Variants in LAMA2 observed in about 807,000 individuals in gnomAD.
LAMA2 encodes the protein laminin subunit alpha-2.
A neutral mutation model predicts 364.8 loss-of-function variants in LAMA2; 269 were observed. The observed-to-expected ratio is 0.74, with a 90% confidence interval of 0.67 to 0.82. The LOEUF (loss-of-function observed/expected upper bound fraction) is 0.82, where lower values mean the gene tolerates loss of function less well. Ranked by LOEUF, LAMA2 falls within the 40% of genes least tolerant of loss-of-function variation. The probability of loss-of-function intolerance (pLI) is 0.00; values close to 1 mark genes in which losing one functional copy is unlikely to be tolerated. For missense variants in LAMA2, 3,807 were observed against 3,873.2 expected (o/e 0.98, Z 0.45); for synonymous variants, 1,379 against 1,370.6 (o/e 1.01, Z -0.14).
intron 1 of LAMA2, among the ~76,000 whole-genome samples, chr6:128,904,456 T>A (rs1021803571): frequency 6.8e-6 from 1 of 147,532 alleles, no homozygotes; most frequent in African/African-American, 2.5e-5. Context: ...TCCTTTCTTT[T>A]TTTTTTTTTT....
intron 63 of LAMA2, among the ~76,000 whole-genome samples, chr6:129,514,131 G>A (rs147332402): frequency 2.6e-5 from 4 of 152,242 alleles, no homozygotes; most frequent in African/African-American, 7.2e-5. Context: ...CCAGCTTTAC[G>A]TATCTTGCCT....
At chr6:129,148,847 A>G in intron 6 of LAMA2, 132 bp from the exon 7 acceptor site, 1 of 773,512 alleles carries the variant, frequency 1.3e-6, no homozygotes, top group Admixed American at 1.8e-5. Flanking sequence ...CTTTCTTCCC[A>G]GGCTGGCTAG....
Position 129,516,551 on chromosome 6 carries a change from A to G in LAMA2, c.*204A>G. Reference sequence around the variant, plus strand: ...CAAGTCTATAAATAATATTAAACTGATTATTTCATTCTAAATAATTGCCTG... The same window carrying G: ...CAAGTCTATAAATAATATTAAACTGGTTATTTCATTCTAAATAATTGCCTG... On this transcript the variant is annotated 3_prime_UTR_variant, in exon 65 of 65. Coordinates refer to ENST00000421865, the MANE Select transcript of LAMA2 (RefSeq NM_000426.4). 1.7e-6 allele frequency: 1 copy of G among 581,906 alleles called. No homozygotes were observed. The highest frequency in any genetic ancestry group is 2.0e-5 in the South Asian group (1 of 48,800). The allele number at this position is 581,906 out of a possible 1,614,324, so 36.0% of individuals were successfully genotyped here.
At chr6:129,288,833 C>T (rs1462517541) in intron 19 of LAMA2, among the ~76,000 whole-genome samples, 2 of 152,108 alleles carry the variant, frequency 1.3e-5, no homozygotes, top group Non-Finnish European at 2.9e-5. Context: ...AGCATTTGGC[C>T]ATCATCAGCT....
At chr6:129,475,986 A>G (rs1784049743) in intron 53 of LAMA2, among the ~76,000 whole-genome samples, 1 of 152,218 alleles carries the variant, frequency 6.6e-6, no homozygotes, top group Non-Finnish European at 1.5e-5. Context: ...CTCTGGAAAT[A>G]CTATATTTAA....
At chr6:129,214,008 C>G (rs1395605368) in intron 12 of LAMA2, among the ~76,000 whole-genome samples, 1 of 152,052 alleles carries the variant, frequency 6.6e-6, no homozygotes, top group Admixed American at 6.6e-5. Context: ...ATTTTGAGGT[C>G]TATGATCCAT....
At chr6:129,374,951 CT>C (rs1434005794) in intron 34 of LAMA2, among the ~76,000 whole-genome samples, 2 of 151,626 alleles carry the variant, frequency 1.3e-5, no homozygotes, top group Middle Eastern at 3.2e-3. Context: ...TTGATACAGT[CT>C]TTAGATTTAA....
Position 129,059,790 on chromosome 6 carries a change from A to C in LAMA2, c.290A>C (p.His97Pro). The change falls in exon 3 of 65, where the codon CAC becomes CCC. Residue 97 changes from histidine to proline, a missense_variant. Physicochemically the swap from His to Pro is moderately conservative, Grantham distance 77 (BLOSUM62 -2). This residue lies in a region of LAMA2 where 394 missense variants were observed against 403.5 expected (regional missense o/e 0.98). Coordinates refer to ENST00000421865, the MANE Select transcript of LAMA2 (RefSeq NM_000426.4). ...NQNSSNPNQR[H>P]PITNAIDGKN... Reference sequence around the variant, plus strand: ...GATGCTGCTAACTCAATAGAGAGACACCCGATTACAAATGCTATTGATGGA... The same window carrying C: ...GATGCTGCTAACTCAATAGAGAGACCCCCGATTACAAATGCTATTGATGGA... The C allele has an allele frequency of 6.3e-7, 1 of 1,591,404 alleles. No individual in the cohort carries two copies. The highest frequency in any genetic ancestry group is 8.6e-7 in the Non-Finnish European group (1 of 1,159,402).
intron 1 of LAMA2, chr6:128,905,381 T>C (rs1026614012): frequency 1.3e-5 from 2 of 152,112 alleles, no homozygotes; most frequent in African/African-American, 2.4e-5. Context: ...TTTAACTATT[T>C]TTTTCTGTTC....
chr6:129,430,071 C>A (rs772454284), intron 41 of LAMA2, among the ~76,000 whole-genome samples: 11 of 152,222 alleles, frequency 7.2e-5, no homozygotes, highest in African/African-American at 2.6e-4. Context: ...AAGGCTATGA[C>A]GGAGATGGGA....
intron 1 of LAMA2, among the ~76,000 whole-genome samples, chr6:128,959,472 C>T (rs998567602): frequency 1.3e-5 from 2 of 152,094 alleles, no homozygotes; most frequent in East Asian, 1.9e-4. Context: ...CTTCATGGCT[C>T]TCAATTCTTC....
chr6:128,941,844 A>C (rs1440261652), intron 1 of LAMA2, among the ~76,000 whole-genome samples: 2 of 152,202 alleles, frequency 1.3e-5, no homozygotes, highest in Admixed American at 1.3e-4. Context: ...CCGTGCAGTT[A>C]GACGTCATCA....
intron 32 of LAMA2, among the ~76,000 whole-genome samples, chr6:129,353,922 C>CTGTCTCTCTTTT (rs1441882182): frequency 6.6e-6 from 1 of 152,168 alleles, no homozygotes; most frequent in Non-Finnish European, 1.5e-5. Flanking sequence ...TGCTCTCTTG[C>CTGTCTCTCTTTT]TGTCTCTCTT....
Position 129,020,067 on chromosome 6 carries a change from C to G in LAMA2, c.113-29851C>G, listed in dbSNP as rs146687611. 5.6e-3 allele frequency among the ~76,000 whole-genome samples: 673 copies of G among 119,892 alleles called. 9 individuals carry two copies. The highest frequency in any genetic ancestry group is 0.022 in the African/African-American group (651 of 29,688). The allele number at this position is 119,892 out of a possible 152,430, so 78.7% of individuals were successfully genotyped here. On this transcript the variant is annotated intron_variant, in intron 1 of 64. Transcript: ENST00000421865. The stretch of plus-strand genomic sequence containing the variant: ...CACCACTGCACTCCAGCCTGGGCGA[C>G]AAGAGCAAGACTCCATCTCAAAAAG...
intron 63 of LAMA2, among the ~76,000 whole-genome samples, chr6:129,514,066 A>G (rs1234325936): frequency 6.6e-6 from 1 of 152,204 alleles, no homozygotes; most frequent in African/African-American, 2.4e-5. Context: ...CCCTGTGTAC[A>G]CTAGGTCCTT....
chr6:129,132,971 G>C (rs1777578544), intron 4 of LAMA2, among the ~76,000 whole-genome samples: 1 of 152,156 alleles, frequency 6.6e-6, no homozygotes, highest in South Asian at 2.1e-4. Flanking sequence ...CAACAAATTT[G>C]ATCTTAAACT....
chr6:129,392,858 T>C (rs1010921151), intron 36 of LAMA2, among the ~76,000 whole-genome samples, 187 bp from the exon 37 acceptor site: 2 of 152,220 alleles, frequency 1.3e-5, no homozygotes, highest in African/African-American at 4.8e-5. Context: ...TTTATTTTAA[T>C]TAATTATAAA....
chr6:129,388,118 C>T (rs1257229460), intron 35 of LAMA2, among the ~76,000 whole-genome samples: 6 of 151,884 alleles, frequency 4.0e-5, no homozygotes, highest in Non-Finnish European at 8.8e-5. Context: ...ATCAGCTGGG[C>T]ACGGTGGCAT....
intron 4 of LAMA2, among the ~76,000 whole-genome samples, chr6:129,134,236 G>A (rs1777657659): frequency 6.6e-6 from 1 of 152,168 alleles, no homozygotes; most frequent in South Asian, 2.1e-4. Flanking sequence ...CATTAAGGGA[G>A]ATCATGTTAT....
Sources: allele counts gnomAD v4.1 joint callset (sites outside exome capture counted in the v4.1 genomes callset), GRCh38; gene constraint gnomAD v4.1.1; regional missense constraint gnomAD v4.1.1; transcripts MANE v1.5; gene names NCBI Gene and HGNC (gene_info 2026-07-23, HGNC 2026-07-21).